Variants in UGT1A3 observed in about 807,000 individuals in gnomAD.
The protein encoded by UGT1A3 is UDP glucuronosyltransferase family 1 member A3, also known as UDP-glucuronosyltransferase 1A3.
In UGT1A3, 31 loss-of-function variants were observed where a neutral mutation model predicts 41.0. That is an observed-to-expected ratio of 0.76 (90% confidence interval 0.57 to 1.02). The LOEUF (loss-of-function observed/expected upper bound fraction) is 1.02. Ranked by LOEUF, UGT1A3 falls within the 50% of genes least tolerant of loss-of-function variation. The pLI, the probability that UGT1A3 is intolerant of heterozygous loss-of-function variation, is 0.00. For missense variants in UGT1A3, 737 were observed against 671.0 expected, an observed-to-expected ratio of 1.10 and a Z score of -1.09; for synonymous variants, 262 against 257.6, an observed-to-expected ratio of 1.02 and a Z score of -0.17.
Position 233,730,003 on chromosome 2 carries a change from G to C in UGT1A3, c.867+10G>C, listed in dbSNP as rs2077967778. The C allele has an allele frequency of 2.5e-6, 4 of 1,613,818 alleles. No individual in the cohort carries two copies. The South Asian group carries it at 3.3e-5, about 13-fold the overall frequency. On this transcript the variant is annotated intron_variant, in intron 1 of 4. Coordinates refer to ENST00000482026, the MANE Select transcript of UGT1A3 (RefSeq NM_019093.4). ...GAAGCCACTATCTCAGGTCTGTATT[G>C]GTGCCTTCATCCAATCAATGTTCCA... is the stretch of plus-strand genomic sequence containing the variant.
At chr2:233,764,695 A>C (rs1698624140) in intron 1 of UGT1A3, among the ~76,000 whole-genome samples, 1 of 152,184 alleles carries the variant, frequency 6.6e-6, no homozygotes. Context: ...GAGCACTTGG[A>C]AATGAGCTGT....
Position 233,729,148 on chromosome 2 carries a change from C to A in UGT1A3, c.22C>A (p.Pro8Thr). MATGLQVPLPWLATGLLL... is the reference protein window; with the variant it reads MATGLQVTLPWLATGLLL... ...TGAGATGGCCACAGGACTCCAGGTT[C>A]CCCTGCCGTGGCTGGCCACAGGACT... The change falls in exon 1 of 5, where the codon CCC becomes ACC. Residue 8 changes from proline (P) to threonine (T), a missense_variant. Physicochemically the swap from Pro to Thr is conservative, Grantham distance 38 (BLOSUM62 -1). Transcript: ENST00000482026. 6.2e-7 allele frequency: 1 copy of A among 1,613,474 alleles called. No individual in the cohort carries two copies. The highest frequency in any genetic ancestry group is 8.5e-7 in the Non-Finnish European group (1 of 1,179,914).
chr2:233,760,970 C>T (rs767709240), intron 1 of UGT1A3: 2 of 1,614,170 alleles, frequency 1.2e-6, no homozygotes, highest in South Asian at 1.1e-5. Flanking sequence ...GTGGTTTATT[C>T]CCCGTATGCA....
At position 233,759,475 on chromosome 2, in the gene UGT1A3, C is replaced by T. The variant is rs1697147555; in HGVS notation, c.868-7559C>T. Among the ~76,000 whole-genome samples, 2 of 152,182 alleles carry T rather than the reference C, an allele frequency of 1.3e-5. 1 individual carries two copies. The highest frequency in any genetic ancestry group is 2.9e-5 in the Non-Finnish European group (2 of 68,032). ...AGTTAGCCACTCAAGATCTATCTTA[C>T]AGGACTGGCTCTTTCAGGTTCACAC... is the stretch of plus-strand genomic sequence containing the variant. On this transcript the variant is annotated intron_variant, in intron 1 of 4. Coordinates refer to ENST00000482026, the MANE Select transcript of UGT1A3 (RefSeq NM_019093.4).
intron 1 of UGT1A3, among the ~76,000 whole-genome samples, chr2:233,766,756 G>A (rs1351928821): frequency 2.0e-5 from 3 of 152,168 alleles, no homozygotes; most frequent in Non-Finnish European, 4.4e-5. Flanking sequence ...GTGCATGTGT[G>A]TGCATGTACC....
At chr2:233,738,718 T>G (rs912478722) in intron 1 of UGT1A3, among the ~76,000 whole-genome samples, 1 of 152,094 alleles carries the variant, frequency 6.6e-6, no homozygotes, top group Non-Finnish European at 1.5e-5. Flanking sequence ...AGCATAAAAG[T>G]TTGGAAAATT....
chr2:233,743,667 C>T lies in UGT1A3; in HGVS notation c.867+13674C>T, dbSNP rs201017854. 1.1e-4 allele frequency: 149 copies of T among 1,367,202 alleles called. 1 individual carries two copies. The highest frequency in any genetic ancestry group is 3.2e-4 in the East Asian group (7 of 21,982). The allele number at this position is 1,367,202 out of a possible 1,614,324, so 84.7% of individuals were successfully genotyped here. A position where few individuals can be genotyped will look rare whatever the true frequency, so the allele number is the denominator to read the frequency against. Reference sequence around the variant, plus strand: ...CTGAAGACGTACTCGAAGGGGTCCTCGAAGGGCCTGCCGCCTGTGCAGCCG... The same window carrying T: ...CTGAAGACGTACTCGAAGGGGTCCTTGAAGGGCCTGCCGCCTGTGCAGCCG... On this transcript the variant is annotated intron_variant, in intron 1 of 4. Coordinates refer to ENST00000482026, the MANE Select transcript of UGT1A3 (RefSeq NM_019093.4).
intron 1 of UGT1A3, chr2:233,747,247 C>A: frequency 6.2e-7 from 1 of 1,601,894 alleles, no homozygotes; most frequent in Non-Finnish European, 8.5e-7. Flanking sequence ...CCTGCTGTGG[C>A]TGGCCACAGG....
At chr2:233,766,592 C>T (rs1699195975) in intron 1 of UGT1A3, among the ~76,000 whole-genome samples, 1 of 152,146 alleles carries the variant, frequency 6.6e-6, no homozygotes, top group Admixed American at 6.5e-5. Flanking sequence ...GGAGCCCTCG[C>T]CAGGGACCAC....
chr2:233,732,874 G>C lies in UGT1A3; in HGVS notation c.867+2881G>C, dbSNP rs1220552637. On this transcript the variant is annotated intron_variant, in intron 1 of 4. Transcript: ENST00000482026. Reference sequence around the variant, plus strand: ...AGTCATTGGTAGCTTGATGGGTTTGGCATTGAATCTATAAATTACCTTGGG... The same window carrying C: ...AGTCATTGGTAGCTTGATGGGTTTGCCATTGAATCTATAAATTACCTTGGG... 6.6e-5 allele frequency among the ~76,000 whole-genome samples: 10 copies of C among 151,784 alleles called. No individual in the cohort carries two copies. The East Asian group carries it at 1.9e-3, about 29-fold the overall frequency.
chr2:233,739,515 T>C (rs1354597011), intron 1 of UGT1A3, among the ~76,000 whole-genome samples: 1 of 152,234 alleles, frequency 6.6e-6, no homozygotes, highest in Non-Finnish European at 1.5e-5. Context: ...ATGTGAGACA[T>C]GAAGTCAAGG....
intron 1 of UGT1A3, among the ~76,000 whole-genome samples, chr2:233,738,676 G>T (rs1690872856): frequency 6.6e-6 from 1 of 152,190 alleles, no homozygotes; most frequent in African/African-American, 2.4e-5. Flanking sequence ...GAGATGATCT[G>T]AAATTGGAAC....
rs1700550070 is a variant in UGT1A3, at chr2:233,772,816, C to A, written c.*257C>A. 3 of 1,016,374 alleles carry A rather than the reference C, an allele frequency of 3.0e-6. No individual in the cohort carries two copies. The highest frequency in any genetic ancestry group is 3.1e-5 in the Admixed American group (1 of 31,990). 63.0% of individuals were successfully genotyped at this position (1,016,374 alleles called of 1,614,324 possible). ...CATGTGCCATTTTTCAGAGGACGTG[C>A]AGACAGGCTGGCATTCTAGATTACT... On this transcript the variant is annotated 3_prime_UTR_variant, in exon 5 of 5. Transcript: ENST00000482026.
In UGT1A3 at chr2:233,772,527, G is replaced by T; in HGVS notation, c.1573G>T (p.Val525Phe). Reference sequence around the variant, plus strand: ...GAAATGCTTGGGGAAAAAAGGGCGAGTTAAGAAAGCCCACAAATCCAAGAC... The same window carrying T: ...GAAATGCTTGGGGAAAAAAGGGCGATTTAAGAAAGCCCACAAATCCAAGAC... ...YRKCLGKKGR[V>F]KKAHKSKTH The change falls in exon 5 of 5, where the codon GTT (valine) becomes TTT (phenylalanine). Residue 525 changes from valine (V) to phenylalanine (F), a missense_variant. Transcript: ENST00000482026. 6.2e-7 allele frequency: 1 copy of T among 1,614,164 alleles called. No homozygotes were observed. Among genetic ancestry groups the T allele is most frequent in the Non-Finnish European group, 8.5e-7 (1 of 1,180,040 alleles).
At chr2:233,745,609 C>A (rs1421404648) in intron 1 of UGT1A3, among the ~76,000 whole-genome samples, 2 of 151,524 alleles carry the variant, frequency 1.3e-5, no homozygotes, top group Admixed American at 6.6e-5. Context: ...ACTTGGTAAG[C>A]ACACAATGAA....
At chr2:233,767,454 G>A (rs1699397027) in intron 2 of UGT1A3, among the ~76,000 whole-genome samples, 1 of 152,122 alleles carries the variant, frequency 6.6e-6, no homozygotes, top group South Asian at 2.1e-4. Context: ...TAAAATAAAT[G>A]GGATATTGTT....
rs562366711 is a variant in UGT1A3 at position 233,731,551 on chromosome 2, T to C, written c.867+1558T>C. On this transcript the variant is annotated intron_variant, in intron 1 of 4. Transcript: ENST00000482026. The stretch of plus-strand genomic sequence containing the variant: ...CATGCGGTGTTTGGTTTTCTGTCCA[T>C]GTGATAGTTTGCTGAGAATGATGGT... 4.6e-5 allele frequency among the ~76,000 whole-genome samples: 7 copies of C among 152,330 alleles called. 1 individual carries two copies. In the East Asian group the frequency reaches 1.4e-3, roughly 29 times the overall value.
intron 1 of UGT1A3, chr2:233,744,094 T>G: frequency 7.2e-6 from 3 of 416,176 alleles, no homozygotes; most frequent in South Asian, 6.1e-5. Flanking sequence ...ATGCAGTGCT[T>G]CTGGGACTGG....
rs1174769439 is a variant in UGT1A3, at chr2:233,773,222, A to G, written c.*663A>G. On this transcript the variant is annotated 3_prime_UTR_variant, in exon 5 of 5. Coordinates refer to ENST00000482026, the MANE Select transcript of UGT1A3 (RefSeq NM_019093.4). ...TTTGATAAAAACCCAAAATACAGCTATGAAGTGCTGGGCAAGTTTACTTTT... is the reference window on the plus strand; with the variant it reads ...TTTGATAAAAACCCAAAATACAGCTGTGAAGTGCTGGGCAAGTTTACTTTT... 2 of 152,386 alleles carry G rather than the reference A, an allele frequency of 1.3e-5. No homozygotes were observed. Among genetic ancestry groups the G allele is most frequent in the African/African-American group, 4.8e-5 (2 of 41,470 alleles). 9.4% of individuals were successfully genotyped at this position (152,386 alleles called of 1,614,324 possible).
Sources: allele counts gnomAD v4.1 joint callset (sites outside exome capture counted in the v4.1 genomes callset), GRCh38; gene constraint gnomAD v4.1.1; transcripts MANE v1.5; gene names NCBI Gene and HGNC (gene_info 2026-07-23, HGNC 2026-07-21).